ANKHD1: variants seen among roughly 807,000 people sequenced by gnomAD.
ANKHD1 encodes the protein ankyrin repeat and KH domain-containing protein 1.
A neutral mutation model predicts 230.5 loss-of-function variants in ANKHD1; 31 were observed. That is an observed-to-expected ratio of 0.13 (90% confidence interval 0.10 to 0.18). The LOEUF is 0.18. Among genes scored for constraint, ANKHD1 ranks in the 10% least tolerant of loss-of-function variants. The probability of loss-of-function intolerance (pLI) is 1.00; values close to 1 mark genes in which losing one functional copy is unlikely to be tolerated. For missense variants in ANKHD1, 2,256 were observed against 3,071.3 expected, an observed-to-expected ratio of 0.73 and a Z score of 6.27; for synonymous variants, 1,074 against 1,117.6, an observed-to-expected ratio of 0.96 and a Z score of 0.78.
chr5:140,528,667 T>C lies in ANKHD1; in HGVS notation c.5721T>C (p.His1907=). 1 of 1,614,142 alleles carries C rather than the reference T, an allele frequency of 6.2e-7. No individual in the cohort carries two copies. Among genetic ancestry groups the C allele is most frequent in the Non-Finnish European group, 8.5e-7 (1 of 1,180,016 alleles). The change falls in exon 29 of 34, where the codon CAT becomes CAC. Residue 1907 remains histidine, a synonymous_variant. Coordinates refer to ENST00000360839, the MANE Select transcript of ANKHD1 (RefSeq NM_017747.3). ...NPGNTNSSPK[H]NNTSRLPNQN... ...GCAACACAAATAGCTCTCCAAAGCATAATAACACAAGCCGTCTACCTAACC... is the reference window on the plus strand; with the variant it reads ...GCAACACAAATAGCTCTCCAAAGCACAATAACACAAGCCGTCTACCTAACC...
chr5:140,415,780 A>T (rs1332195007), intron 1 of ANKHD1, among the ~76,000 whole-genome samples: 3 of 151,694 alleles, frequency 2.0e-5, no homozygotes, highest in African/African-American at 4.8e-5. Context: ...ATTTATTTTT[A>T]TTTATTTATT....
At chr5:140,476,934 G>T (rs2127005410) in intron 10 of ANKHD1, among the ~76,000 whole-genome samples, 1 of 152,134 alleles carries the variant, frequency 6.6e-6, no homozygotes, top group East Asian at 1.9e-4. Flanking sequence ...TTGTTCAGGA[G>T]GAGAAGGTAC....
intron 17 of ANKHD1, 60 bp from the exon 18 acceptor site, chr5:140,505,662 CAG>C (rs1752506605): frequency 1.3e-6 from 2 of 1,531,948 alleles, no homozygotes; most frequent in African/African-American, 2.8e-5. Context: ...GAATTGTAAA[CAG>C]TGGCTTTAAA....
intron 1 of ANKHD1, among the ~76,000 whole-genome samples, chr5:140,403,259 G>C (rs371927509): frequency 6.6e-6 from 1 of 152,066 alleles, no homozygotes; most frequent in Admixed American, 6.6e-5. Flanking sequence ...ATGAGCCACC[G>C]TGCCCGGCTG....
intron 16 of ANKHD1, 70 bp from the exon 17 acceptor site, chr5:140,505,052 A>G: frequency 6.2e-7 from 1 of 1,603,280 alleles, no homozygotes; most frequent in Non-Finnish European, 8.5e-7. Flanking sequence ...TTGTGAAAAG[A>G]AATATTATTT....
intron 1 of ANKHD1, among the ~76,000 whole-genome samples, chr5:140,416,977 A>G (rs1771448632): frequency 6.6e-6 from 1 of 152,094 alleles, no homozygotes. Flanking sequence ...GTTTTATTAT[A>G]ATAATTATTA....
intron 18 of ANKHD1, 125 bp downstream of exon 18, chr5:140,505,994 G>C: frequency 3.4e-6 from 5 of 1,449,564 alleles, no homozygotes; most frequent in Non-Finnish European, 4.6e-6. Flanking sequence ...TTCTGAGGCA[G>C]GGTCTTGCTC....
chr5:140,415,110 G>A (rs1021054724), intron 1 of ANKHD1, among the ~76,000 whole-genome samples: 2 of 151,958 alleles, frequency 1.3e-5, no homozygotes, highest in African/African-American at 4.8e-5. Flanking sequence ...ATTTTCAGGC[G>A]TGGTGGTTCA....
At chr5:140,491,145 T>TATAC (rs1751769676) in intron 14 of ANKHD1, among the ~76,000 whole-genome samples, 1 of 95,410 alleles carries the variant, frequency 1.0e-5, no homozygotes, top group Non-Finnish European at 2.1e-5. Flanking sequence ...TACACATATA[T>TATAC]ATATATATAT....
In ANKHD1 at chr5:140,528,729, T is replaced by C; in HGVS notation, c.5783T>C (p.Leu1928Pro). 1.2e-6 allele frequency: 2 copies of C among 1,614,234 alleles called. No individual in the cohort carries two copies. Among genetic ancestry groups the C allele is most frequent in the Non-Finnish European group, 1.7e-6 (2 of 1,180,044 alleles). ...GTVLPSESAG[L>P]ATASCPITVS... is the part of the protein sequence containing the mutation. ...GTTTTACCCTCAGAGTCTGCTGGAC[T>C]AGCTACTGCCAGTTGTCCTATCACT... The change falls in exon 29 of 34, where the codon CTA (leucine) becomes CCA (proline). Residue 1928 changes from leucine (L) to proline (P), a missense_variant. Transcript: ENST00000360839.
chr5:140,436,780 A>T (rs940861820), intron 2 of ANKHD1, among the ~76,000 whole-genome samples: 1 of 152,076 alleles, frequency 6.6e-6, no homozygotes, highest in African/African-American at 2.4e-5. Flanking sequence ...GCTAGTTATC[A>T]AGGAAAACTT....
At chr5:140,449,738 G>A (rs1774564201) in intron 7 of ANKHD1, among the ~76,000 whole-genome samples, 1 of 151,946 alleles carries the variant, frequency 6.6e-6, no homozygotes, top group Admixed American at 6.6e-5. Flanking sequence ...CAAAGTTGAT[G>A]CTTGAATGCA....
intron 9 of ANKHD1, among the ~76,000 whole-genome samples, chr5:140,460,831 T>C (rs1667367152): frequency 6.6e-6 from 1 of 152,154 alleles, no homozygotes; most frequent in Non-Finnish European, 1.5e-5. Flanking sequence ...TTAAACCAGA[T>C]TGTGAATGGT....
intron 1 of ANKHD1, among the ~76,000 whole-genome samples, chr5:140,419,699 C>T (rs1771716408): frequency 6.6e-6 from 1 of 151,488 alleles, no homozygotes; most frequent in South Asian, 2.1e-4. Context: ...AACTCCTAAG[C>T]TCAAGTGATT....
At chr5:140,490,622 A>G (rs888483100) in intron 14 of ANKHD1, among the ~76,000 whole-genome samples, 2 of 152,250 alleles carry the variant, frequency 1.3e-5, no homozygotes, top group Admixed American at 6.5e-5. Flanking sequence ...GAAAGGATAC[A>G]TAAGTAATGT....
chr5:140,491,156 A>G (rs1331656829), intron 14 of ANKHD1, among the ~76,000 whole-genome samples: 1 of 94,956 alleles, frequency 1.1e-5, no homozygotes, highest in African/African-American at 4.4e-5. Context: ...ATATATATAT[A>G]TATATTTTTT....
chr5:140,534,129 A>C (rs905362232), intron 29 of ANKHD1, among the ~76,000 whole-genome samples: 1 of 152,152 alleles, frequency 6.6e-6, no homozygotes, highest in Non-Finnish European at 1.5e-5. Context: ...GCCGTGGCTC[A>C]CACCTGTAAC....
chr5:140,501,136 AC>A (rs1581344386), intron 15 of ANKHD1, among the ~76,000 whole-genome samples: 2 of 145,852 alleles, frequency 1.4e-5, no homozygotes, highest in Non-Finnish European at 3.0e-5. Context: ...TCACACTGTC[AC>A]GCATCTTGGC....
At chr5:140,533,398 A>G (rs1244421135) in intron 29 of ANKHD1, among the ~76,000 whole-genome samples, 2 of 152,148 alleles carry the variant, frequency 1.3e-5, no homozygotes, top group Non-Finnish European at 2.9e-5. Flanking sequence ...GGAGATCGAG[A>G]CCATCCTGGT....
Sources: gnomAD v4.1 joint callset for allele counts (sites outside exome capture counted in the v4.1 genomes callset) on GRCh38, gnomAD v4.1.1 for gene constraint, MANE v1.5 for transcripts, NCBI Gene and HGNC (gene_info 2026-07-23, HGNC 2026-07-21) for gene names.